Variants in CDC6 observed in about 807,000 individuals in gnomAD.
The protein encoded by CDC6 is DNA replication factor CDC6.
In CDC6, 46 loss-of-function variants were observed where a neutral mutation model predicts 60.2. The ratio of observed to expected loss-of-function variants is 0.76; its 90% confidence interval spans 0.60 to 0.98. The LOEUF (loss-of-function observed/expected upper bound fraction) is 0.98. CDC6 is among the 50% of genes least tolerant of loss of function. The probability of loss-of-function intolerance (pLI) is 0.00; values close to 1 mark genes in which losing one functional copy is unlikely to be tolerated. For synonymous variants in CDC6, 210 were observed against 233.2 expected (o/e 0.90, Z 0.90); for missense variants, 596 against 652.9 (o/e 0.91, Z 0.95).
Position 40,289,579 on chromosome 17 carries a change from C to T in CDC6, c.159C>T (p.Leu53=), listed in dbSNP as rs566383385. Residue 53 remains leucine, a synonymous_variant, in exon 2 of 12, where the codon CTC becomes CTT. Transcript: ENST00000209728. ...CTCCTCGTGTAAAAGCCCTGCCTCT[C>T]AGCCCCAGGAAACGTCTGGGTAAAC... ...TCSPRVKALP[L]SPRKRLGDDN... 4 of 1,614,040 alleles carry T rather than the reference C, an allele frequency of 2.5e-6. No individual in the cohort carries two copies. The highest frequency in any genetic ancestry group is 4.5e-5 in the East Asian group (2 of 44,882).
At chr17:40,290,965 A>G (rs549445192) in intron 2 of CDC6, 93 bp from the exon 3 acceptor site, 2 of 1,321,714 alleles carry the variant, frequency 1.5e-6, no homozygotes, top group South Asian at 2.4e-5. Flanking sequence ...CTAAGGTAGA[A>G]ATTCACCTCT....
chr17:40,289,848 A>G (rs922281564), intron 2 of CDC6, among the ~76,000 whole-genome samples: 3 of 147,704 alleles, frequency 2.0e-5, no homozygotes, highest in Non-Finnish European at 3.0e-5. Context: ...AGCTGGGATT[A>G]CAGGCGCCCA....
chr17:40,295,487 T>TAAA (rs540753983), intron 8 of CDC6, 31 bp downstream of exon 8: 59 of 1,120,618 alleles, frequency 5.3e-5, no homozygotes, highest in Non-Finnish European at 6.7e-5. Flanking sequence ...ATTCTTTTAT[T>TAAA]AAAAAAAAAA....
chr17:40,300,263 C>A (rs554108911), intron 9 of CDC6, among the ~76,000 whole-genome samples: 3 of 152,198 alleles, frequency 2.0e-5, no homozygotes, highest in African/African-American at 7.2e-5. Flanking sequence ...TGCACCTGGC[C>A]TTTTTTTTCC....
At position 40,291,084 on chromosome 17, in the gene CDC6, C is replaced by G; in HGVS notation, c.205C>G (p.His69Asp). The G allele has an allele frequency of 6.2e-7, 1 of 1,614,070 alleles. No homozygotes were observed. Among genetic ancestry groups the G allele is most frequent in the South Asian group, 1.1e-5 (1 of 91,070 alleles). Reference sequence around the variant, plus strand: ...CGATGACAACCTATGCAACACTCCCCATTTACCTCCTTGTTCTCCACCAAA... The same window carrying G: ...CGATGACAACCTATGCAACACTCCCGATTTACCTCCTTGTTCTCCACCAAA... ...LGDDNLCNTP[H>D]LPPCSPPKQG... Residue 69 changes from histidine (H) to aspartate (D), a missense_variant, in exon 3 of 12, where the codon CAT (histidine) becomes GAT (aspartate). Physicochemically the swap from His to Asp is moderately conservative, Grantham distance 81. Transcript: ENST00000209728.
chr17:40,294,063 G>T lies in CDC6; in HGVS notation c.943+7G>T. On this transcript the variant is annotated splice_region_variant and intron_variant, in intron 6 of 11. Transcript: ENST00000209728. ...TCTCACTTGGTGCTGATTGGTTAGT[G>T]CTCAATTGTTAATGTTACATGGTGG... The T allele has an allele frequency of 6.4e-7, 1 of 1,573,730 alleles. No individual in the cohort carries two copies. The highest frequency in any genetic ancestry group is 8.7e-7 in the Non-Finnish European group (1 of 1,143,244).
rs768185360 is a variant in CDC6, at chr17:40,301,473, T to C, written c.1458T>C (p.Tyr486=). ...TCTCCCTTGTTTCCTACCAGTTATA[T>C]GAAGCCTACAGTAAAGTCTGTCGCA... ...KIKEVTLGKL[Y]EAYSKVCRKQ... is the part of the protein sequence containing the mutation. Residue 486 remains tyrosine, a synonymous_variant, in exon 11 of 12, where the codon TAT becomes TAC. Transcript: ENST00000209728. The C allele has an allele frequency of 3.5e-5, 56 of 1,613,986 alleles. 1 individual carries two copies. The Admixed American group carries it at 8.2e-4, about 24-fold the overall frequency.
intron 4 of CDC6, among the ~76,000 whole-genome samples, chr17:40,292,359 G>A (rs920043312): frequency 2.0e-5 from 3 of 151,526 alleles, no homozygotes; most frequent in East Asian, 2.0e-4. Flanking sequence ...GGCTAGGCAC[G>A]GTGGCTCACA....
chr17:40,289,360 T>C, intron 1 of CDC6, 48 bp from the exon 2 acceptor site: 1 of 1,404,660 alleles, frequency 7.1e-7, no homozygotes, highest in South Asian at 1.2e-5. Flanking sequence ...TTATTTTCTC[T>C]TCACTTTCAC....
In CDC6 at chr17:40,294,397, T is replaced by C; in HGVS notation, c.977T>C (p.Ile326Thr). The C allele has an allele frequency of 6.2e-7, 1 of 1,609,324 alleles. No individual in the cohort carries two copies. The highest frequency in any genetic ancestry group is 8.5e-7 in the Non-Finnish European group (1 of 1,175,652). ...AATACCCTGGATCTCACAGATAGAA[T>C]TCTACCTAGGCTTCAAGCTAGAGAA... ...IANTLDLTDR[I>T]LPRLQAREKC... Residue 326 changes from isoleucine (I) to threonine (T), a missense_variant, in exon 7 of 12, where the codon ATT becomes ACT. By Grantham distance (89) the Ile-to-Thr change is moderately conservative (BLOSUM62 -1). Transcript: ENST00000209728.
chr17:40,293,858 C>A, intron 5 of CDC6, 92 bp from the exon 6 acceptor site: 1 of 1,140,788 alleles, frequency 8.8e-7, no homozygotes, highest in Non-Finnish European at 1.3e-6. Context: ...AAACTGGTCT[C>A]AGCTTTAGGA....
At chr17:40,288,900 C>T (rs1004122356) in intron 1 of CDC6, among the ~76,000 whole-genome samples, 2 of 151,634 alleles carry the variant, frequency 1.3e-5, no homozygotes, top group African/African-American at 4.9e-5. Flanking sequence ...GGGGTTTCTC[C>T]ATGTTGGTCA....
intron 9 of CDC6, among the ~76,000 whole-genome samples, chr17:40,299,253 T>TCCTCCCAC (rs1220841277): frequency 1.4e-5 from 2 of 140,846 alleles, no homozygotes; most frequent in African/African-American, 5.2e-5. Context: ...GCTCAAGCCA[T>TCCTCCCAC]CCTCCCACCC....
In CDC6 at chr17:40,296,697, T is replaced by G; in HGVS notation, c.1185-6T>G. ...ACTAAATTAATTTTAGAAATTTTTT[T>G]TATAGGAGAGCTATTGAAATTGTAG... On this transcript the variant is annotated splice_region_variant and splice_polypyrimidine_tract_variant and intron_variant, in intron 8 of 11. Transcript: ENST00000209728. 1 of 1,575,424 alleles carries G rather than the reference T, an allele frequency of 6.3e-7. No homozygotes were observed. Among genetic ancestry groups the G allele is most frequent in the Non-Finnish European group, 8.7e-7 (1 of 1,144,934 alleles).
rs180730942 is a variant in CDC6, at chr17:40,291,227, C to T, written c.348C>T (p.His116=). The T allele has an allele frequency of 3.1e-6, 5 of 1,614,098 alleles. 1 individual carries two copies. In the African/African-American group the frequency reaches 6.7e-5, roughly 22 times the overall value. ...GCAAAAGAGAACTAGCCAAAGTTCA[C>T]CAAAACAAAATACTTTCTTCAGTTA... ...SPSKRELAKV[H]QNKILSSVRK... is the part of the protein sequence containing the mutation. The change falls in exon 3 of 12, where the codon CAC becomes CAT. Residue 116 remains histidine (H), a synonymous_variant. Transcript: ENST00000209728.
In CDC6 at chr17:40,301,565, G is replaced by T; in HGVS notation, c.1550G>T (p.Gly517Val). The T allele has an allele frequency of 1.9e-6, 3 of 1,614,100 alleles. No individual in the cohort carries two copies. The highest frequency in any genetic ancestry group is 2.5e-6 in the Non-Finnish European group (3 of 1,179,942). ...CTTTCAGGGCTCTTGGAAGCCAGGG[G>T]CATTTTAGGATTAAAGAGAAACAAG... is the stretch of plus-strand genomic sequence containing the variant. ...LSLSGLLEAR[G>V]ILGLKRNKET... Residue 517 changes from glycine to valine, a missense_variant, in exon 11 of 12, where the codon GGC (glycine) becomes GTC (valine). Physicochemically the swap from Gly to Val is moderately radical, Grantham distance 109. Coordinates refer to ENST00000209728, the MANE Select transcript of CDC6 (RefSeq NM_001254.4).
intron 8 of CDC6, 87 bp downstream of exon 8, chr17:40,295,543 G>A: frequency 1.1e-6 from 1 of 908,056 alleles, no homozygotes; most frequent in Non-Finnish European, 1.8e-6. Flanking sequence ...AGTGAATGTG[G>A]CTTAAGAGGC....
At chr17:40,293,826 G>C (rs1034758711) in intron 5 of CDC6, 124 bp from the exon 6 acceptor site, 2 of 941,608 alleles carry the variant, frequency 2.1e-6, no homozygotes, top group Admixed American at 3.5e-5. Flanking sequence ...AGTAACTAGA[G>C]ATAGGTTAGA....
Position 40,295,440 on chromosome 17 carries a change from G to A in CDC6, c.1168G>A (p.Ala390Thr). The A allele has an allele frequency of 6.2e-7, 1 of 1,607,734 alleles. No individual in the cohort carries two copies. The highest frequency in any genetic ancestry group is 8.5e-7 in the Non-Finnish European group (1 of 1,174,802). ...VSAVSGDVRK[A>T]LDVCRRAIEI... ...TGCTGTTTCAGGAGATGTTCGCAAA[G>A]CACTGGATGTTTGCAGGTGAGTTAC... The change falls in exon 8 of 12, where the codon GCA (alanine) becomes ACA (threonine). Residue 390 changes from alanine to threonine, a missense_variant. Coordinates refer to ENST00000209728, the MANE Select transcript of CDC6 (RefSeq NM_001254.4).
Sources: allele counts gnomAD v4.1 joint callset (sites outside exome capture counted in the v4.1 genomes callset), GRCh38; gene constraint gnomAD v4.1.1; transcripts MANE v1.5; gene names NCBI Gene and HGNC (gene_info 2026-07-23, HGNC 2026-07-21).